Variants in TNRC6B observed in about 807,000 individuals in gnomAD.
TNRC6B encodes trinucleotide repeat-containing gene 6B protein.
A neutral mutation model predicts 203.6 loss-of-function variants in TNRC6B; 52 were observed. That is an observed-to-expected ratio of 0.26 (90% CI 0.20 to 0.32). The LOEUF (loss-of-function observed/expected upper bound fraction) is 0.32, where lower values mean the gene tolerates loss of function less well. Ranked by LOEUF, TNRC6B falls within the 10% of genes least tolerant of loss-of-function variation. The probability of loss-of-function intolerance (pLI) is 1.00; values close to 1 mark genes in which losing one functional copy is unlikely to be tolerated. For synonymous variants in TNRC6B, 838 were observed against 845.7 expected (o/e 0.99, Z 0.16); for missense variants, 1,923 against 2,286.2 (o/e 0.84, Z 3.24).
At chr22:40,085,657 A>G (rs1256646281) in intron 1 of TNRC6B, among the ~76,000 whole-genome samples, 2 of 152,114 alleles carry the variant, frequency 1.3e-5, no homozygotes. Flanking sequence ...TTTTGGCAAG[A>G]ATATTTTATA....
At chr22:40,191,329 ATGTTGCT>A (rs1281215309) in intron 1 of TNRC6B, among the ~76,000 whole-genome samples, 1 of 152,150 alleles carries the variant, frequency 6.6e-6, no homozygotes, top group Admixed American at 6.5e-5. Flanking sequence ...GGTGTTTAAC[ATGTTGCT>A]TGGGTCAGTG....
intron 5 of TNRC6B, 127 bp downstream of exon 5, chr22:40,267,163 T>TA: frequency 6.1e-6 from 6 of 984,898 alleles, no homozygotes; most frequent in Non-Finnish European, 8.5e-6. Flanking sequence ...TCTACTCTGT[T>TA]GCTAACAGAA....
intron 2 of TNRC6B, among the ~76,000 whole-genome samples, chr22:40,125,547 A>G (rs763579272): frequency 1.9e-4 from 29 of 152,154 alleles, no homozygotes; most frequent in Non-Finnish European, 3.1e-4. Flanking sequence ...AACCTTTCCT[A>G]TCTACCCTTC....
intron 1 of TNRC6B, among the ~76,000 whole-genome samples, chr22:40,096,296 T>TA (rs1459125787): frequency 2.0e-5 from 3 of 152,180 alleles, no homozygotes; most frequent in Non-Finnish European, 4.4e-5. Context: ...GCACAGGTAA[T>TA]ACCCAGTGAA....
chr22:40,175,926 A>G (rs1331405287), upstream of TNRC6B, among the ~76,000 whole-genome samples: 2 of 152,204 alleles, frequency 1.3e-5, no homozygotes, highest in Non-Finnish European at 2.9e-5. Context: ...CCCAGAAGCC[A>G]GGATGACAAC....
intron 8 of TNRC6B, among the ~76,000 whole-genome samples, chr22:40,277,567 G>A (rs777324620): frequency 2.7e-4 from 41 of 152,218 alleles, no homozygotes; most frequent in Non-Finnish European, 5.9e-4. Flanking sequence ...TCTCGGCAAC[G>A]TTGTGGGGAC....
At chr22:40,189,968 A>G (rs2069251246) in intron 1 of TNRC6B, among the ~76,000 whole-genome samples, 1 of 152,252 alleles carries the variant, frequency 6.6e-6, no homozygotes, top group Non-Finnish European at 1.5e-5. Flanking sequence ...ATTAAATTGA[A>G]TAAAGCTTTA....
intron 12 of TNRC6B, among the ~76,000 whole-genome samples, chr22:40,291,920 C>T (rs1334471393): frequency 6.6e-6 from 1 of 152,234 alleles, no homozygotes; most frequent in Non-Finnish European, 1.5e-5. Context: ...AGGCCGGGCT[C>T]AGTGGCCCAT....
At chr22:40,108,271 C>T (rs2146310756) in intron 1 of TNRC6B, among the ~76,000 whole-genome samples, 1 of 152,284 alleles carries the variant, frequency 6.6e-6, no homozygotes, top group African/African-American at 2.4e-5. Context: ...TCCCTGGTGG[C>T]ACTGCTGTCA....
intron 21 of TNRC6B, among the ~76,000 whole-genome samples, chr22:40,316,612 T>A (rs768425994): frequency 6.6e-6 from 1 of 152,144 alleles, no homozygotes; most frequent in Non-Finnish European, 1.5e-5. Flanking sequence ...TGGGCAATAG[T>A]GCAAGACCCT....
chr22:40,205,788 A>C (rs925156710), intron 1 of TNRC6B, among the ~76,000 whole-genome samples: 1 of 152,202 alleles, frequency 6.6e-6, no homozygotes, highest in African/African-American at 2.4e-5. Context: ...TGAATCCACA[A>C]GTGCAGTAAG....
intron 1 of TNRC6B, among the ~76,000 whole-genome samples, chr22:40,210,507 A>G (rs879282599): frequency 2.0e-5 from 3 of 152,276 alleles, no homozygotes; most frequent in Non-Finnish European, 4.4e-5. Flanking sequence ...CTGCTTCTCT[A>G]TTCATTGAAA....
rs11330855 is a variant in TNRC6B, at chr22:40,250,933, C to CT, written c.94-228dup. 1.9e-3 allele frequency among the ~76,000 whole-genome samples: 257 copies of CT among 133,196 alleles called. 1 individual carries two copies. Among genetic ancestry groups the CT allele is most frequent in the African/African-American group, 5.8e-3 (209 of 35,968 alleles). The allele number at this position is 133,196 out of a possible 152,430, so 87.4% of individuals were successfully genotyped here. On this transcript the variant is annotated intron_variant, in intron 2 of 22. Transcript: ENST00000454349. ...ACCTCATCGTATAATGAGTGGAATG[C>CT]TTTTTTTTTTTTTTTTTTAAGTTTT...
chr22:40,069,499 T>C (rs1186500483), intron 1 of TNRC6B, among the ~76,000 whole-genome samples: 1 of 151,722 alleles, frequency 6.6e-6, no homozygotes, highest in Non-Finnish European at 1.5e-5. Context: ...TAATTTTTTT[T>C]TTTTTGAGAT....
chr22:40,111,212 C>T lies in TNRC6B; in HGVS notation c.-120-5843C>T, dbSNP rs142419444. 2.6e-5 allele frequency among the ~76,000 whole-genome samples: 4 copies of T among 152,338 alleles called. No homozygotes were observed. In the East Asian group the frequency reaches 7.7e-4, roughly 29 times the overall value. On this transcript the variant is annotated intron_variant, in intron 1 of 23. Coordinates refer to the TNRC6B transcript ENST00000301923. Reference sequence around the variant, plus strand: ...GTCCAGGTGCAAACAGCACGTTCAACGGCACGCGAAACCACGTGGTGCTCA... The same window carrying T: ...GTCCAGGTGCAAACAGCACGTTCAATGGCACGCGAAACCACGTGGTGCTCA...
intron 12 of TNRC6B, among the ~76,000 whole-genome samples, chr22:40,294,509 C>G (rs1277014264): frequency 1.3e-5 from 2 of 152,198 alleles, no homozygotes; most frequent in Non-Finnish European, 2.9e-5. Context: ...TACAAAGACT[C>G]TATTTCCAAA....
intron 3 of TNRC6B, among the ~76,000 whole-genome samples, chr22:40,134,334 C>T (rs1321851896): frequency 3.3e-5 from 5 of 152,176 alleles, no homozygotes; most frequent in African/African-American, 1.2e-4. Flanking sequence ...TTATCCCAGT[C>T]TAATCATGAG....
intron 1 of TNRC6B, among the ~76,000 whole-genome samples, chr22:40,242,660 C>T (rs904318563): frequency 1.3e-5 from 2 of 151,954 alleles, no homozygotes; most frequent in African/African-American, 4.8e-5. Context: ...GAACTCCTGA[C>T]CTCAGGTGAT....
In TNRC6B at chr22:40,332,906, T is replaced by C. The variant is rs756224582; in HGVS notation, c.*9665T>C. On this transcript the variant is annotated 3_prime_UTR_variant, in exon 23 of 23. Coordinates refer to ENST00000454349, the MANE Select transcript of TNRC6B (RefSeq NM_001162501.2). Reference sequence around the variant, plus strand: ...TTCTTTTGTATTTTTTTGGTTTTTGTTTTTAAGCCATCAGAAGTTTCAGAT... The same window carrying C: ...TTCTTTTGTATTTTTTTGGTTTTTGCTTTTAAGCCATCAGAAGTTTCAGAT... 1 of 152,628 alleles carries C rather than the reference T, an allele frequency of 6.6e-6. No individual in the cohort carries two copies. The highest frequency in any genetic ancestry group is 2.4e-5 in the African/African-American group (1 of 41,450). The allele number at this position is 152,628 out of a possible 1,614,324, so 9.5% of individuals were successfully genotyped here.
Sources: gnomAD v4.1 joint callset for allele counts (sites outside exome capture counted in the v4.1 genomes callset) on GRCh38, gnomAD v4.1.1 for gene constraint, MANE v1.5 for transcripts, NCBI Gene and HGNC (gene_info 2026-07-23, HGNC 2026-07-21) for gene names.